The following PITPNM3 variants were observed in gnomAD, a reference collection of about 807,000 sequenced individuals.
PITPNM3 encodes the protein membrane-associated phosphatidylinositol transfer protein 3.
PITPNM3 carries 26 observed loss-of-function variants against 102.0 expected under a neutral mutation model. The observed-to-expected ratio is 0.25, with a 90% confidence interval of 0.19 to 0.35. PITPNM3 has a LOEUF of 0.35. Ranked by LOEUF, PITPNM3 falls within the 10% of genes least tolerant of loss-of-function variation. The pLI is 1.00. For synonymous variants in PITPNM3, 578 were observed against 558.6 expected, an observed-to-expected ratio of 1.03 and a Z score of -0.49; for missense variants, 1,083 against 1,346.1, an observed-to-expected ratio of 0.80 and a Z score of 3.06.
In PITPNM3 at chr17:6,472,317, C is replaced by T. The variant is rs1905111380; in HGVS notation, c.1429+340G>A. Among the ~76,000 whole-genome samples the T allele has an allele frequency of 6.6e-6, 1 of 152,192 alleles. No homozygotes were observed. Among genetic ancestry groups the T allele is most frequent in the African/African-American group, 2.4e-5 (1 of 41,438 alleles). ...GCCCACCAGGATGGCACACTCTCTG[C>T]CCTACCCCTTCAGAGTCCAGGCTGG... On this transcript the variant is annotated intron_variant, in intron 11 of 19. Coordinates refer to ENST00000262483, the MANE Select transcript of PITPNM3 (RefSeq NM_031220.4). This position sits in a 1 kb window ranked among gnomAD's most constrained non-coding sequence, Gnocchi z 4.1.
chr17:6,527,426 C>T (rs1338489254), intron 2 of PITPNM3, among the ~76,000 whole-genome samples: 2 of 152,096 alleles, frequency 1.3e-5, no homozygotes, highest in African/African-American at 2.4e-5. Context: ...TGTAAGAGTG[C>T]CCCACACACA....
At chr17:6,552,328 T>C (rs11870624) in intron 1 of PITPNM3, among the ~76,000 whole-genome samples, 12,230 of 151,892 alleles carry the variant, frequency 0.081, 1,588 homozygotes, top group African/African-American at 0.28. Flanking sequence ...CCTACCCTCA[T>C]TCTCTCAGTG....
chr17:6,498,557 G>A (rs1477675118), intron 4 of PITPNM3, among the ~76,000 whole-genome samples: 1 of 152,180 alleles, frequency 6.6e-6, no homozygotes, highest in Non-Finnish European at 1.5e-5. Flanking sequence ...GAGGCCGGGA[G>A]GCAGGGAGGC....
At chr17:6,501,515 C>A (rs1026195094) in intron 4 of PITPNM3, among the ~76,000 whole-genome samples, 1 of 152,176 alleles carries the variant, frequency 6.6e-6, no homozygotes, top group African/African-American at 2.4e-5. Flanking sequence ...GGCAACGGGA[C>A]ACCAGCCCTA....
chr17:6,550,708 A>G (rs1173778834), intron 1 of PITPNM3, among the ~76,000 whole-genome samples: 1 of 152,246 alleles, frequency 6.6e-6, no homozygotes, highest in Admixed American at 6.5e-5. Context: ...TCTGACCCAG[A>G]CATGGCCCAG....
At chr17:6,542,007 G>A (rs910522361) in intron 1 of PITPNM3, among the ~76,000 whole-genome samples, 13 of 152,364 alleles carry the variant, frequency 8.5e-5, no homozygotes, top group Admixed American at 2.0e-4. Flanking sequence ...CCTCAGGGAT[G>A]TTTCAGGAAG....
intron 4 of PITPNM3, among the ~76,000 whole-genome samples, chr17:6,493,217 T>C (rs1906598637): frequency 6.6e-6 from 1 of 152,148 alleles, no homozygotes; most frequent in Non-Finnish European, 1.5e-5. Flanking sequence ...ACCAGAGATC[T>C]CAGTTCAAAA....
At chr17:6,544,669 C>CACACAT (rs1567696769) in intron 1 of PITPNM3, among the ~76,000 whole-genome samples, 1 of 151,956 alleles carries the variant, frequency 6.6e-6, no homozygotes, top group Non-Finnish European at 1.5e-5. Context: ...CACACACACA[C>CACACAT]ACACACACAA....
chr17:6,553,523 A>G (rs968581380), intron 1 of PITPNM3, among the ~76,000 whole-genome samples: 4 of 151,980 alleles, frequency 2.6e-5, no homozygotes, highest in African/African-American at 4.8e-5. Flanking sequence ...GCACTGCACA[A>G]CTCCAGGGGT....
At chr17:6,483,431 C>T in intron 6 of PITPNM3, 86 bp downstream of exon 6, 1 of 1,323,696 alleles carries the variant, frequency 7.6e-7, no homozygotes, top group Non-Finnish European at 1.1e-6. Flanking sequence ...ACCCACCTGC[C>T]CACGGGGTCC....
intron 1 of PITPNM3, among the ~76,000 whole-genome samples, chr17:6,553,655 C>T (rs1484657164): frequency 6.6e-6 from 1 of 152,208 alleles, no homozygotes; most frequent in Non-Finnish European, 1.5e-5. Context: ...GAACATCTCA[C>T]AGGTCATGGT....
chr17:6,513,980 T>A (rs909387570), intron 3 of PITPNM3, among the ~76,000 whole-genome samples: 3 of 152,228 alleles, frequency 2.0e-5, no homozygotes, highest in African/African-American at 4.8e-5. Context: ...ATGTCTATGA[T>A]CTATTGATTT....
At chr17:6,551,373 A>AG (rs746390816) in intron 1 of PITPNM3, among the ~76,000 whole-genome samples, 34 of 150,262 alleles carry the variant, frequency 2.3e-4, no homozygotes, top group Non-Finnish European at 4.7e-4. Context: ...AAAAAAAAAA[A>AG]GAAAAGCCTG....
At chr17:6,484,123 C>A in intron 5 of PITPNM3, 93 bp downstream of exon 5, 1 of 1,367,986 alleles carries the variant, frequency 7.3e-7, no homozygotes. Context: ...AGACGAAGAG[C>A]TGGAAGAAAA....
chr17:6,538,157 CT>C (rs1306953411), intron 1 of PITPNM3, 75 bp from the exon 2 acceptor site: 5 of 1,140,478 alleles, frequency 4.4e-6, no homozygotes, highest in Non-Finnish European at 5.3e-6. Context: ...CAAGACCCCC[CT>C]GGACTAAAGG....
At chr17:6,539,986 G>A (rs1473176313) in intron 1 of PITPNM3, among the ~76,000 whole-genome samples, 1 of 152,230 alleles carries the variant, frequency 6.6e-6, no homozygotes, top group Non-Finnish European at 1.5e-5. Flanking sequence ...AGAGCCCAGT[G>A]AGAGGCTCCT....
chr17:6,481,985 CCTCTCTCTCT>C (rs773528111), intron 6 of PITPNM3, among the ~76,000 whole-genome samples: 1,937 of 56,114 alleles, frequency 0.035, 39 homozygotes, highest in East Asian at 0.054. Context: ...GAAAACAGAA[CCTCTCTCTCT>C]CTCTCTCTCT....
intron 3 of PITPNM3, among the ~76,000 whole-genome samples, chr17:6,515,034 C>A (rs907880124): frequency 2.6e-5 from 4 of 152,110 alleles, no homozygotes; most frequent in Non-Finnish European, 5.9e-5. Context: ...ATATGAAATA[C>A]CAGGGGCTGG....
rs752293643 is a variant in PITPNM3 at position 6,464,282 on chromosome 17, G to A, written c.2044C>T (p.Arg682Cys). 18 of 1,613,944 alleles carry A rather than the reference G, an allele frequency of 1.1e-5. 1 individual carries two copies. The highest frequency in any genetic ancestry group is 4.4e-5 in the South Asian group (4 of 91,090). ...ILVMAEPSSGRWVHLDTEITN... is the reference protein window; with the variant it reads ...ILVMAEPSSGCWVHLDTEITN... The stretch of plus-strand genomic sequence containing the variant: ...ATCTCTGTGTCCAGGTGTACCCAGC[G>A]GCCTGAGGATGGCTCTGCCATTACT... Residue 682 changes from arginine (R) to cysteine (C), a missense_variant, in exon 16 of 20, where the codon CGC becomes TGC. By Grantham distance (180) the Arg-to-Cys change is radical (BLOSUM62 -3). This residue lies in a region of PITPNM3 where 410 missense variants were observed against 638.4 expected (regional missense o/e 0.64). Coordinates refer to ENST00000262483, the MANE Select transcript of PITPNM3 (RefSeq NM_031220.4).
Sources: allele counts gnomAD v4.1 joint callset (sites outside exome capture counted in the v4.1 genomes callset), GRCh38; gene constraint gnomAD v4.1.1; regional missense constraint gnomAD v4.1.1; non-coding constraint Gnocchi (gnomAD v3.1); transcripts MANE v1.5; gene names NCBI Gene and HGNC (gene_info 2026-07-23, HGNC 2026-07-21).